The following PSD3 variants were observed in gnomAD, a reference collection of about 807,000 sequenced individuals.
PSD3 encodes the protein PH and SEC7 domain-containing protein 3.
PSD3 carries 49 observed loss-of-function variants against 105.5 expected under a neutral mutation model. That is an observed-to-expected ratio of 0.46 (90% CI 0.37 to 0.59). The LOEUF is 0.59. Ranked by LOEUF, PSD3 falls within the 20% of genes least tolerant of loss-of-function variation. The pLI is 0.00. For synonymous variants in PSD3, 557 were observed against 457.8 expected (o/e 1.22, Z -2.77); for missense variants, 1,561 against 1,263.8 (o/e 1.24, Z -3.57).
intron 10 of PSD3, among the ~76,000 whole-genome samples, chr8:18,635,730 T>A (rs2130780705): frequency 6.6e-6 from 1 of 152,268 alleles, no homozygotes; most frequent in Non-Finnish European, 1.5e-5. Flanking sequence ...TCATGTCCTT[T>A]GCAGGGACAT....
At chr8:18,600,565 A>C (rs1563364856) in intron 11 of PSD3, 131 bp from the exon 12 acceptor site, 2 of 742,720 alleles carry the variant, frequency 2.7e-6, no homozygotes, top group Non-Finnish European at 4.3e-6. Flanking sequence ...TAAGAACTAA[A>C]ATTTTCTGAG....
chr8:18,778,358 G>C (rs1029441832), intron 8 of PSD3, among the ~76,000 whole-genome samples: 4 of 152,170 alleles, frequency 2.6e-5, no homozygotes, highest in Admixed American at 2.0e-4. Context: ...AGATCTAAGA[G>C]TTTCAGGTAG....
At chr8:18,924,028 G>A (rs184580396) in intron 2 of PSD3, among the ~76,000 whole-genome samples, 38 of 152,028 alleles carry the variant, frequency 2.5e-4, no homozygotes, top group East Asian at 9.7e-4. Context: ...GTTGATTTCT[G>A]CAACACTTCT....
At chr8:18,752,640 AT>A (rs1805693585) in intron 9 of PSD3, among the ~76,000 whole-genome samples, 1 of 91,276 alleles carries the variant, frequency 1.1e-5, no homozygotes, top group East Asian at 2.4e-4. Flanking sequence ...TATAATATAT[AT>A]AATATATATA....
intron 12 of PSD3, among the ~76,000 whole-genome samples, chr8:18,582,668 T>C (rs973299687): frequency 6.6e-6 from 1 of 152,048 alleles, no homozygotes; most frequent in Non-Finnish European, 1.5e-5. Flanking sequence ...TTCCACACAC[T>C]CTGAATTCAA....
intron 1 of PSD3, among the ~76,000 whole-genome samples, chr8:19,002,819 C>G (rs1336141858): frequency 1.3e-5 from 2 of 152,046 alleles, no homozygotes; most frequent in African/African-American, 4.8e-5. Context: ...CCCATAGAAA[C>G]AGAGAGCTAA....
At chr8:18,809,660 T>C (rs1396771165) in intron 4 of PSD3, among the ~76,000 whole-genome samples, 3 of 152,168 alleles carry the variant, frequency 2.0e-5, no homozygotes, top group African/African-American at 7.2e-5. Context: ...TCCTGAAATG[T>C]TTTTTTCTAA....
intron 7 of PSD3, among the ~76,000 whole-genome samples, 181 bp from the exon 8 acceptor site, chr8:18,799,534 A>G (rs2129447164): frequency 6.6e-6 from 1 of 152,380 alleles, no homozygotes. Flanking sequence ...CTCAATGCAC[A>G]GAACTGGACT....
intron 1 of PSD3, among the ~76,000 whole-genome samples, chr8:18,968,176 G>C (rs1824403824): frequency 6.6e-6 from 1 of 152,094 alleles, no homozygotes; most frequent in Admixed American, 6.5e-5. Context: ...CACCACTTCA[G>C]GGCAGCCACT....
At chr8:18,847,777 G>A (rs924337743) in intron 4 of PSD3, among the ~76,000 whole-genome samples, 3 of 152,154 alleles carry the variant, frequency 2.0e-5, no homozygotes, top group African/African-American at 7.2e-5. Flanking sequence ...ACCCTCTGTG[G>A]CACCCGCAAA....
chr8:18,713,640 CA>C (rs926095994), intron 9 of PSD3, among the ~76,000 whole-genome samples: 1 of 151,966 alleles, frequency 6.6e-6, no homozygotes, highest in African/African-American at 2.4e-5. Flanking sequence ...ATGATGCAAA[CA>C]AATGAAAAAA....
rs756248977 is a variant in PSD3, at chr8:18,759,092, A to ACACACACACACACACT, written c.2172+6356_2172+6357insAGTGTGTGTGTGTGTG. On this transcript the variant is annotated intron_variant, in intron 9 of 15. Coordinates refer to ENST00000327040, the MANE Select transcript of PSD3 (RefSeq NM_015310.4). ...TAACCCATTCTTCACACACACACAC[A>ACACACACACACACACT]CTCTCTCTCTCTCTCTCTCTCTCTT... Among the ~76,000 whole-genome samples, 8 of 143,954 alleles carry ACACACACACACACACT rather than the reference A, an allele frequency of 5.6e-5. No homozygotes were observed. In the East Asian group the frequency reaches 1.7e-3, roughly 30 times the overall value. 94.4% of individuals were successfully genotyped at this position (143,954 alleles called of 152,430 possible).
intron 1 of PSD3, among the ~76,000 whole-genome samples, chr8:18,998,690 A>T (rs13249978): frequency 0.7 from 106,130 of 151,628 alleles, 37,987 homozygotes; most frequent in East Asian, 0.91. Context: ...CCATCTCCAC[A>T]AAAACAAAAA....
At chr8:18,678,133 A>T (rs533442011) in intron 9 of PSD3, among the ~76,000 whole-genome samples, 1 of 152,208 alleles carries the variant, frequency 6.6e-6, no homozygotes. Flanking sequence ...AAAGAAAAAT[A>T]GGCTTCTGAA....
At chr8:18,592,776 T>C (rs975307396) in intron 12 of PSD3, among the ~76,000 whole-genome samples, 7 of 151,992 alleles carry the variant, frequency 4.6e-5, no homozygotes, top group African/African-American at 1.4e-4. Flanking sequence ...ATGAAAGATA[T>C]ATAGACCAAT....
At chr8:18,704,810 C>A (rs548925989) in intron 9 of PSD3, among the ~76,000 whole-genome samples, 2 of 151,750 alleles carry the variant, frequency 1.3e-5, no homozygotes, top group African/African-American at 4.8e-5. Flanking sequence ...TGTTAAAAGA[C>A]AAACCAGCAA....
intron 2 of PSD3, among the ~76,000 whole-genome samples, chr8:18,877,539 C>CTTTTTTTTT (rs61667418): frequency 3.6e-5 from 5 of 138,134 alleles, no homozygotes; most frequent in African/African-American, 5.6e-5. Flanking sequence ...AGATGCCTAT[C>CTTTTTTTTT]TTTTTTTTTT....
chr8:18,701,446 C>G (rs1473594618), intron 9 of PSD3, among the ~76,000 whole-genome samples: 1 of 152,130 alleles, frequency 6.6e-6, no homozygotes, highest in Non-Finnish European at 1.5e-5. Flanking sequence ...CTTTATGAAG[C>G]TTACACAATT....
At chr8:18,964,596 T>G (rs946635865) in intron 1 of PSD3, among the ~76,000 whole-genome samples, 1 of 152,104 alleles carries the variant, frequency 6.6e-6, no homozygotes, top group East Asian at 1.9e-4. Context: ...TGTGGTCTCA[T>G]GAACAACCAG....
Sources: allele counts gnomAD v4.1 joint callset (sites outside exome capture counted in the v4.1 genomes callset), GRCh38; gene constraint gnomAD v4.1.1; transcripts MANE v1.5; gene names NCBI Gene and HGNC (gene_info 2026-07-23, HGNC 2026-07-21).